PCLO: variants seen among roughly 807,000 people sequenced by gnomAD.
The protein encoded by PCLO is protein piccolo.
Under a neutral mutation model 427.5 loss-of-function variants are expected in PCLO, and 82 were observed. The ratio of observed to expected loss-of-function variants is 0.19; its 90% CI spans 0.16 to 0.23. The LOEUF (loss-of-function observed/expected upper bound fraction) is 0.23. Among genes scored for constraint, PCLO ranks in the 10% least tolerant of loss-of-function variants. The pLI is 1.00. For synonymous variants in PCLO, 2,357 were observed against 2,155.4 expected (o/e 1.09, Z -2.59); for missense variants, 6,239 against 6,115.9 (o/e 1.02, Z -0.67).
At chr7:82,926,086 G>T (rs187248060) in intron 6 of PCLO, among the ~76,000 whole-genome samples, 87 of 152,142 alleles carry the variant, frequency 5.7e-4, no homozygotes, top group Admixed American at 3.6e-3. Context: ...AATTCTAAAT[G>T]ATACCATTCG....
chr7:82,799,956 G>T (rs578229733), intron 22 of PCLO, among the ~76,000 whole-genome samples: 1 of 152,196 alleles, frequency 6.6e-6, no homozygotes, highest in South Asian at 2.1e-4. Context: ...GCCATTTCTA[G>T]TTTCCTGGTT....
At chr7:82,976,014 C>G (rs1429102562) in intron 3 of PCLO, among the ~76,000 whole-genome samples, 1 of 152,146 alleles carries the variant, frequency 6.6e-6, no homozygotes, top group Admixed American at 6.5e-5. Flanking sequence ...TTCTTCATAG[C>G]AGTGTGAAAC....
intron 16 of PCLO, among the ~76,000 whole-genome samples, chr7:82,831,387 T>C (rs1240496225): frequency 6.6e-6 from 1 of 152,100 alleles, no homozygotes; most frequent in Non-Finnish European, 1.5e-5. Context: ...AAGTATCTAG[T>C]TTGTCTTCTT....
At chr7:82,776,461 G>GC (rs1204777366) in intron 22 of PCLO, among the ~76,000 whole-genome samples, 2 of 151,858 alleles carry the variant, frequency 1.3e-5, no homozygotes, top group African/African-American at 4.8e-5. Context: ...AAGGGCATGA[G>GC]CAAAAATCTA....
intron 2 of PCLO, among the ~76,000 whole-genome samples, chr7:83,138,522 G>A (rs1478951849): frequency 6.6e-6 from 1 of 152,086 alleles, no homozygotes; most frequent in Non-Finnish European, 1.5e-5. Flanking sequence ...TTAGCCAGGT[G>A]TAGTGGTGCA....
intron 9 of PCLO, among the ~76,000 whole-genome samples, chr7:82,886,512 A>C (rs902380529): frequency 6.6e-6 from 1 of 152,244 alleles, no homozygotes; most frequent in Non-Finnish European, 1.5e-5. Context: ...AAATGGATTT[A>C]GAGAGAAAAG....
intron 3 of PCLO, among the ~76,000 whole-genome samples, chr7:83,088,259 C>T (rs142768628): frequency 1.3e-5 from 2 of 152,176 alleles, no homozygotes; most frequent in African/African-American, 4.8e-5. Context: ...AGATGAAAAG[C>T]TGAGGAAAAA....
chr7:83,098,611 A>C (rs1255609566), intron 3 of PCLO, among the ~76,000 whole-genome samples: 1 of 150,790 alleles, frequency 6.6e-6, no homozygotes, highest in African/African-American at 2.4e-5. Flanking sequence ...AATAGTCCCA[A>C]ACTATTTCAC....
At chr7:83,036,417 T>C (rs1394257039) in intron 3 of PCLO, among the ~76,000 whole-genome samples, 3 of 152,180 alleles carry the variant, frequency 2.0e-5, no homozygotes, top group Admixed American at 1.3e-4. Context: ...CTCTTGCAGA[T>C]TGATTGCTAG....
At chr7:83,148,607 C>T (rs866332317) in intron 2 of PCLO, among the ~76,000 whole-genome samples, 44 of 151,704 alleles carry the variant, frequency 2.9e-4, no homozygotes, top group Admixed American at 1.1e-3. Flanking sequence ...TTTTTTTACC[C>T]TCAACCAGCC....
chr7:83,096,843 A>T (rs1485304627), intron 3 of PCLO, among the ~76,000 whole-genome samples: 1 of 73,968 alleles, frequency 1.4e-5, no homozygotes, highest in African/African-American at 5.8e-5. Flanking sequence ...ATATTATATA[A>T]TATAAATATA....
intron 22 of PCLO, among the ~76,000 whole-genome samples, chr7:82,783,584 T>G (rs1790921707): frequency 6.6e-6 from 1 of 152,082 alleles, no homozygotes; most frequent in African/African-American, 2.4e-5. Context: ...ATCGCACCAC[T>G]GAACTCCAGC....
In PCLO at chr7:82,975,144, A is replaced by C. The variant is rs182780707; in HGVS notation, c.3301-8657T>G. On this transcript the variant is annotated intron_variant, in intron 3 of 24. Transcript: ENST00000333891. ...GTGAATAATTACATCAAAGCAAAAA[A>C]ACTTAGACTTAAGCCTAAGTTAGTC... 8.4e-3 allele frequency among the ~76,000 whole-genome samples: 1,282 copies of C among 152,328 alleles called. 9 individuals carry two copies. Among genetic ancestry groups the C allele is most frequent in the Non-Finnish European group, 0.011 (725 of 68,028 alleles).
At chr7:82,837,177 T>C (rs1792251786) in intron 15 of PCLO, among the ~76,000 whole-genome samples, 1 of 152,076 alleles carries the variant, frequency 6.6e-6, no homozygotes, top group African/African-American at 2.4e-5. Context: ...GAAATAATTA[T>C]AATAGCTGGG....
chr7:83,133,465 T>C (rs1023875872), intron 3 of PCLO, among the ~76,000 whole-genome samples: 1 of 152,080 alleles, frequency 6.6e-6, no homozygotes, highest in Non-Finnish European at 1.5e-5. Context: ...TTAATGTTAA[T>C]AAATTCATTC....
rs186932517 is a variant in PCLO, at chr7:83,095,440, C to T, written c.3300+38810G>A. ...CTGTTATCAATTTCATTGATTCCTG[C>T]TCTTTATTATTTTTTTCCTTCTACT... On this transcript the variant is annotated intron_variant, in intron 3 of 24. Transcript: ENST00000333891. Among the ~76,000 whole-genome samples the T allele has an allele frequency of 7.3e-5, 11 of 151,554 alleles. 1 individual carries two copies. In the East Asian group the frequency reaches 1.2e-3, roughly 16 times the overall value.
chr7:82,950,172 G>C lies in PCLO; in HGVS notation c.10416C>G (p.Val3472=), dbSNP rs1370492579. Reference sequence around the variant, plus strand: ...CATCCTGATCTTCATCATCAGTTTGGACGCTTGTATCCACACTCTTTTTAG... The same window carrying C: ...CATCCTGATCTTCATCATCAGTTTGCACGCTTGTATCCACACTCTTTTTAG... ...RRTKKSVDTS[V]QTDDEDQDEW... The change falls in exon 6 of 25, where the codon GTC becomes GTG. Residue 3472 remains valine, a synonymous_variant. Coordinates refer to ENST00000333891, the MANE Select transcript of PCLO (RefSeq NM_033026.6). 6.2e-7 allele frequency: 1 copy of C among 1,610,674 alleles called. No homozygotes were observed.
intron 3 of PCLO, among the ~76,000 whole-genome samples, chr7:83,035,454 G>A (rs955325260): frequency 1.3e-5 from 2 of 151,976 alleles, no homozygotes. Flanking sequence ...GTAAATAAAT[G>A]TCCACAAGAA....
At chr7:83,037,706 A>G (rs1464169584) in intron 3 of PCLO, among the ~76,000 whole-genome samples, 1 of 151,302 alleles carries the variant, frequency 6.6e-6, no homozygotes, top group African/African-American at 2.4e-5. Flanking sequence ...GGCTTCTCTC[A>G]TATTATCCTA....
Sources: gnomAD v4.1 joint callset for allele counts (sites outside exome capture counted in the v4.1 genomes callset) on GRCh38, gnomAD v4.1.1 for gene constraint, MANE v1.5 for transcripts, NCBI Gene and HGNC (gene_info 2026-07-23, HGNC 2026-07-21) for gene names.